USP10: variants seen among roughly 807,000 people sequenced by gnomAD.
USP10 encodes the protein ubiquitin carboxyl-terminal hydrolase 10.
A neutral mutation model predicts 84.5 loss-of-function variants in USP10; 22 were observed. The ratio of observed to expected loss-of-function variants is 0.26; its 90% CI spans 0.19 to 0.37. USP10 has a LOEUF of 0.37. Among genes scored for constraint, USP10 ranks in the 10% least tolerant of loss-of-function variants. The pLI is 1.00. For missense variants in USP10, 1,019 were observed against 998.9 expected, an observed-to-expected ratio of 1.02 and a Z score of -0.27; for synonymous variants, 454 against 387.6, an observed-to-expected ratio of 1.17 and a Z score of -2.01.
At chr16:84,705,702 A>C (rs570057794) in intron 1 of USP10, among the ~76,000 whole-genome samples, 1 of 140,910 alleles carries the variant, frequency 7.1e-6, no homozygotes, top group Non-Finnish European at 1.5e-5. Context: ...AGACATAATC[A>C]TGCCCTTGCT....
rs536586617 is a variant in USP10 at position 84,745,162 on chromosome 16, T to G, written c.681T>G (p.Pro227=). ...DSVSDIVPDS[P]FPGALGSDTR... ...TCAGTGACATTGTGCCTGACAGTCC[T>G]TTCCCCGGAGCACTCGGCAGTGACA... Residue 227 remains proline (P), a synonymous_variant, in exon 4 of 14, where the codon CCT becomes CCG. Coordinates refer to ENST00000219473, the MANE Select transcript of USP10 (RefSeq NM_005153.3). The G allele has an allele frequency of 2.2e-5, 36 of 1,613,388 alleles. No individual in the cohort carries two copies. In the Admixed American group the frequency reaches 6.0e-4, roughly 27 times the overall value.
At chr16:84,700,400 G>T (rs1041320308) in intron 1 of USP10, among the ~76,000 whole-genome samples, 8 of 151,962 alleles carry the variant, frequency 5.3e-5, no homozygotes, top group Admixed American at 3.3e-4. Context: ...ACCTCCCTGG[G>T]GCTGGACCGC....
chr16:84,763,789 A>C (rs563309263), intron 9 of USP10, among the ~76,000 whole-genome samples: 2 of 147,942 alleles, frequency 1.4e-5, no homozygotes, highest in East Asian at 4.0e-4. Flanking sequence ...GTGACGTTGC[A>C]CCTGTTGCGA....
chr16:84,712,079 C>T (rs1323611986), intron 1 of USP10, among the ~76,000 whole-genome samples: 1 of 152,076 alleles, frequency 6.6e-6, no homozygotes, highest in East Asian at 1.9e-4. Flanking sequence ...GCCCTTGCTG[C>T]TTTTGGGTGG....
At chr16:84,706,278 A>T (rs535993672) in intron 1 of USP10, among the ~76,000 whole-genome samples, 3 of 152,088 alleles carry the variant, frequency 2.0e-5, no homozygotes, top group Non-Finnish European at 4.4e-5. Context: ...ATGAAGTTCA[A>T]TTCTAGAGGT....
intron 1 of USP10, among the ~76,000 whole-genome samples, chr16:84,720,142 T>A (rs570909727): frequency 6.6e-6 from 1 of 152,208 alleles, no homozygotes; most frequent in South Asian, 2.1e-4. Context: ...ATTTGAAGAG[T>A]CTGCTGACAG....
chr16:84,776,395 T>C (rs1297839658), intron 13 of USP10, among the ~76,000 whole-genome samples: 1 of 152,076 alleles, frequency 6.6e-6, no homozygotes, highest in Non-Finnish European at 1.5e-5. Flanking sequence ...CCTCTCACTA[T>C]TCATTGTTCC....
chr16:84,736,764 TAG>T (rs1909983843), intron 2 of USP10, among the ~76,000 whole-genome samples: 1 of 151,902 alleles, frequency 6.6e-6, no homozygotes, highest in Admixed American at 6.6e-5. Context: ...TCATGGAGAG[TAG>T]AGAGTAGAGA....
intron 8 of USP10, among the ~76,000 whole-genome samples, chr16:84,761,221 A>G (rs948256448): frequency 5.9e-5 from 9 of 152,204 alleles, no homozygotes; most frequent in African/African-American, 1.4e-4. Context: ...GAGATGCCTT[A>G]GAACCCAGAG....
rs769730257 is a variant in USP10, at chr16:84,779,105, G to A, written c.*23G>A. 8 of 1,596,198 alleles carry A rather than the reference G, an allele frequency of 5.0e-6. No homozygotes were observed. The highest frequency in any genetic ancestry group is 2.3e-5 in the East Asian group (1 of 44,396). On this transcript the variant is annotated 3_prime_UTR_variant, in exon 14 of 14. Coordinates refer to ENST00000219473, the MANE Select transcript of USP10 (RefSeq NM_005153.3). ...TAAACCCTGTGTGCGCTGTGTGTGC[G>A]CCCAGTGCCCGCTTCGTAGGACACC...
chr16:84,706,185 C>A (rs1905478746), intron 1 of USP10, among the ~76,000 whole-genome samples: 1 of 151,500 alleles, frequency 6.6e-6, no homozygotes, highest in Non-Finnish European at 1.5e-5. Context: ...GCCTAGCCTC[C>A]CTATTCATTC....
chr16:84,710,777 C>T (rs76176572), intron 1 of USP10, among the ~76,000 whole-genome samples: 1 of 152,070 alleles, frequency 6.6e-6, no homozygotes, highest in Admixed American at 6.5e-5. Flanking sequence ...CACCTGGCAC[C>T]CTGGGTGCCA....
intron 8 of USP10, 140 bp from the exon 9 acceptor site, chr16:84,762,849 T>G (rs554521841): frequency 1.9e-6 from 1 of 520,692 alleles, no homozygotes; most frequent in Non-Finnish European, 3.5e-6. Flanking sequence ...GGGAAACCCA[T>G]GTCATCATGT....
At chr16:84,778,362 C>T (rs948391011) in intron 13 of USP10, among the ~76,000 whole-genome samples, 7 of 152,104 alleles carry the variant, frequency 4.6e-5, no homozygotes, top group Admixed American at 2.0e-4. Flanking sequence ...AGCGTATTCC[C>T]GCATCACCAT....
intron 1 of USP10, among the ~76,000 whole-genome samples, chr16:84,712,583 T>G (rs1467109040): frequency 1.3e-5 from 2 of 152,144 alleles, no homozygotes; most frequent in African/African-American, 4.8e-5. Flanking sequence ...GTTCTAGGCA[T>G]GAAGTTCAGG....
At chr16:84,713,454 C>G (rs1279049501) in intron 1 of USP10, among the ~76,000 whole-genome samples, 2 of 152,062 alleles carry the variant, frequency 1.3e-5, no homozygotes, top group Non-Finnish European at 2.9e-5. Flanking sequence ...CACCTAATAC[C>G]CTACATACCC....
At chr16:84,776,499 T>C (rs1915038571) in intron 13 of USP10, among the ~76,000 whole-genome samples, 1 of 152,140 alleles carries the variant, frequency 6.6e-6, no homozygotes, top group South Asian at 2.1e-4. Flanking sequence ...CGCTTGTGGG[T>C]GTCTCCAGCC....
intron 13 of USP10, 86 bp from the exon 14 acceptor site, chr16:84,778,809 C>T (rs1026980273): frequency 2.7e-5 from 36 of 1,333,248 alleles, no homozygotes; most frequent in Non-Finnish European, 3.3e-5. Flanking sequence ...ACATAGGATG[C>T]ATCCCTGGAG....
chr16:84,715,737 G>T (rs74029976), intron 1 of USP10, among the ~76,000 whole-genome samples: 9,941 of 152,228 alleles, frequency 0.065, 435 homozygotes, highest in African/African-American at 0.12. Flanking sequence ...AATTCCAGAG[G>T]TAGATCAGGC....
Sources: allele counts gnomAD v4.1 joint callset (sites outside exome capture counted in the v4.1 genomes callset), GRCh38; gene constraint gnomAD v4.1.1; transcripts MANE v1.5; gene names NCBI Gene and HGNC (gene_info 2026-07-23, HGNC 2026-07-21).